The following NME3 variants were observed in gnomAD, a reference collection of about 807,000 sequenced individuals.
NME3 encodes nucleoside diphosphate kinase C.
A neutral mutation model predicts 15.8 loss-of-function variants in NME3; 23 were observed. That is an observed-to-expected ratio of 1.45 (90% confidence interval 1.05 to 2.06). NME3 has a LOEUF of 2.06. NME3 is among the 30% of genes most tolerant of loss of function. The probability of loss-of-function intolerance (pLI) is 0.00; values close to 1 mark genes in which losing one functional copy is unlikely to be tolerated. For synonymous variants in NME3, 157 were observed against 104.4 expected (o/e 1.50, Z -3.07); for missense variants, 354 against 243.2 (o/e 1.46, Z -3.03).
rs746940021 is a variant in NME3, at chr16:1,771,007, C to T, written c.280-14G>A. ...CCCCTGCCATACCTGTGCGGAGGAA[C>T]GGGCGCGGTATCACGCGGGGGTGGG... On this transcript the variant is annotated splice_polypyrimidine_tract_variant and intron_variant, in intron 3 of 4. Coordinates refer to ENST00000219302, the MANE Select transcript of NME3 (RefSeq NM_002513.3). 15 of 1,592,584 alleles carry T rather than the reference C, an allele frequency of 9.4e-6. No individual in the cohort carries two copies. The highest frequency in any genetic ancestry group is 3.4e-5 in the Admixed American group (2 of 58,878).
In NME3 at chr16:1,771,493, G is replaced by C. The variant is rs570087998; in HGVS notation, c.42C>G (p.Pro14=). Residue 14 remains proline (P), a synonymous_variant, in exon 1 of 5, where the codon CCC becomes CCG. Coordinates refer to ENST00000219302, the MANE Select transcript of NME3 (RefSeq NM_002513.3). ...GGCCCGCGCCGCGCGGCTCACCCGCGGGGAAGAGGTTAGCGAAGATGGTCA... is the reference window on the plus strand; with the variant it reads ...GGCCCGCGCCGCGCGGCTCACCCGCCGGGAAGAGGTTAGCGAAGATGGTCA... ...LVLTIFANLF[P]AACTGAHERT... is the part of the protein sequence containing the mutation. 14 of 1,315,638 alleles carry C rather than the reference G, an allele frequency of 1.1e-5. No homozygotes were observed. Among genetic ancestry groups the C allele is most frequent in the Non-Finnish European group, 1.3e-5 (13 of 1,033,376 alleles). 81.5% of individuals were successfully genotyped at this position (1,315,638 alleles called of 1,614,324 possible). A position where few individuals can be genotyped will look rare whatever the true frequency, so the allele number is the denominator to read the frequency against.
chr16:1,771,296 G>T lies in NME3; in HGVS notation c.161C>A (p.Ala54Glu). ...CGCCCCCACCTGCACCAGCTTCAGC[G>T]CCACCAACTTGAAGCCCTTCCTCTC... is the stretch of plus-strand genomic sequence containing the variant. ...RFERKGFKLV[A>E]LKLVQASEEL... Residue 54 changes from alanine (A) to glutamate (E), a missense_variant, in exon 2 of 5, where the codon GCG (alanine) becomes GAG (glutamate). Transcript: ENST00000219302. 2 of 1,605,140 alleles carry T rather than the reference G, an allele frequency of 1.2e-6. No individual in the cohort carries two copies. Among genetic ancestry groups the T allele is most frequent in the East Asian group, 2.2e-5 (1 of 44,580 alleles).
Position 1,770,334 on chromosome 16 carries a change from C to T in NME3, c.*315G>A, listed in dbSNP as rs930943094. The T allele has an allele frequency of 6.2e-6, 2 of 324,064 alleles. No homozygotes were observed. The highest frequency in any genetic ancestry group is 4.6e-5 in the Admixed American group (1 of 21,792). 20.1% of individuals were successfully genotyped at this position (324,064 alleles called of 1,614,324 possible). On this transcript the variant is annotated 3_prime_UTR_variant, in exon 5 of 5. Coordinates refer to ENST00000219302, the MANE Select transcript of NME3 (RefSeq NM_002513.3). ...AACGTCGTAGCTGCCTGTTCCTGGG[C>T]CCAAATCGAAACGAAAACGAGGACT...
intron 1 of NME3, 24 bp downstream of exon 1, chr16:1,771,465 C>T (rs958762929): frequency 1.9e-5 from 26 of 1,341,098 alleles, no homozygotes; most frequent in Middle Eastern, 2.8e-4. Context: ...GCCACCCGCC[C>T]CCGGCCCGCG....
chr16:1,770,905 C>T lies in NME3; in HGVS notation c.368G>A (p.Gly123Glu). The change falls in exon 4 of 5, where the codon GGG (glycine) becomes GAG (glutamate). Residue 123 changes from glycine to glutamate, a missense_variant. Gly to Glu is a moderately conservative substitution (Grantham distance 98). Coordinates refer to ENST00000219302, the MANE Select transcript of NME3 (RefSeq NM_002513.3). Reference sequence around the variant, plus strand: ...CTTGCCAACCTCGATGCAGAAATCCCCGCGGATGGTGCCGGGCGGGGCGTC... The same window carrying T: ...CTTGCCAACCTCGATGCAGAAATCCTCGCGGATGGTGCCGGGCGGGGCGTC... The part of the protein sequence containing the change: ...PADAPPGTIR[G>E]DFCIEVGKNL... 2 of 1,585,570 alleles carry T rather than the reference C, an allele frequency of 1.3e-6. No individual in the cohort carries two copies. The highest frequency in any genetic ancestry group is 2.3e-5 in the South Asian group (2 of 88,436).
Position 1,771,337 on chromosome 16 carries a change from C to G in NME3, c.120G>C (p.Glu40Asp), listed in dbSNP as rs2141975612. ...CCTTCCTCTCGAAGCGCCGCACAAT[C>G]TCGCCCACCAGCCGCCGCTGCACGC... ...PDGVQRRLVG[E>D]IVRRFERKGF... Residue 40 changes from glutamate to aspartate, a missense_variant, in exon 2 of 5, where the codon GAG becomes GAC. Physicochemically the swap from Glu to Asp is conservative, Grantham distance 45. Coordinates refer to ENST00000219302, the MANE Select transcript of NME3 (RefSeq NM_002513.3). 3 of 1,599,666 alleles carry G rather than the reference C, an allele frequency of 1.9e-6. No homozygotes were observed. Among genetic ancestry groups the G allele is most frequent in the East Asian group, 4.5e-5 (2 of 44,160 alleles).
Position 1,771,426 on chromosome 16 carries a change from G to C in NME3, c.47-16C>G. The stretch of plus-strand genomic sequence containing the variant: ...CCGGTGCAGGCTGCGGGGCAGGCGG[G>C]GACGGGCCGTCAGGCCGGCCCAGCA... On this transcript the variant is annotated splice_polypyrimidine_tract_variant and intron_variant, in intron 1 of 4. Transcript: ENST00000219302. 1.3e-6 allele frequency: 2 copies of C among 1,521,892 alleles called. No individual in the cohort carries two copies. The highest frequency in any genetic ancestry group is 1.8e-6 in the Non-Finnish European group (2 of 1,137,502). The allele number at this position is 1,521,892 out of a possible 1,614,324, so 94.3% of individuals were successfully genotyped here.
In NME3 at chr16:1,770,432, C is replaced by G. The variant is rs969810416; in HGVS notation, c.*217G>C. 1 of 448,600 alleles carries G rather than the reference C, an allele frequency of 2.2e-6. No homozygotes were observed. The highest frequency in any genetic ancestry group is 5.2e-5 in the South Asian group (1 of 19,216). 27.8% of individuals were successfully genotyped at this position (448,600 alleles called of 1,614,324 possible). A position where few individuals can be genotyped will look rare whatever the true frequency, so the allele number is the denominator to read the frequency against. ...TGTCCTGGCACGTTTCCAGGCGAGCCGCGCAGGCTCCTGGAGCAGCTCCTC... is the reference window on the plus strand; with the variant it reads ...TGTCCTGGCACGTTTCCAGGCGAGCGGCGCAGGCTCCTGGAGCAGCTCCTC... On this transcript the variant is annotated 3_prime_UTR_variant, in exon 5 of 5. Coordinates refer to ENST00000219302, the MANE Select transcript of NME3 (RefSeq NM_002513.3).
rs996370152 is a variant in NME3 at position 1,770,405 on chromosome 16, A to G, written c.*244T>C. 4.6e-6 allele frequency: 2 copies of G among 431,688 alleles called. No homozygotes were observed. Among genetic ancestry groups the G allele is most frequent in the African/African-American group, 4.1e-5 (2 of 49,102 alleles). The allele number at this position is 431,688 out of a possible 1,614,324, so 26.7% of individuals were successfully genotyped here. ...ACCACGTTGGGCTGGGCACCAGGAC[A>G]GTGTCCTGGCACGTTTCCAGGCGAG... On this transcript the variant is annotated 3_prime_UTR_variant, in exon 5 of 5. Transcript: ENST00000219302.
chr16:1,771,259 G>A (rs1304363943), intron 2 of NME3, 21 bp downstream of exon 2: 2 of 1,237,174 alleles, frequency 1.6e-6, no homozygotes, highest in Non-Finnish European at 2.3e-6. Flanking sequence ...CCGCGCCCCC[G>A]CTCGCTCACC....
At position 1,770,339 on chromosome 16, in the gene NME3, A is replaced by T; in HGVS notation, c.*310T>A. 3.0e-6 allele frequency: 1 copy of T among 329,824 alleles called. No homozygotes were observed. Among genetic ancestry groups the T allele is most frequent in the Non-Finnish European group, 5.5e-6 (1 of 180,678 alleles). The allele number at this position is 329,824 out of a possible 1,614,324, so 20.4% of individuals were successfully genotyped here. On this transcript the variant is annotated 3_prime_UTR_variant, in exon 5 of 5. Coordinates refer to ENST00000219302, the MANE Select transcript of NME3 (RefSeq NM_002513.3). ...CGTAGCTGCCTGTTCCTGGGCCCAAATCGAAACGAAAACGAGGACTTTATT... is the reference window on the plus strand; with the variant it reads ...CGTAGCTGCCTGTTCCTGGGCCCAATTCGAAACGAAAACGAGGACTTTATT...
In NME3 at chr16:1,770,356, G is replaced by A. The variant is rs1214960663; in HGVS notation, c.*293C>T. ...GGGCCCAAATCGAAACGAAAACGAG[G>A]ACTTTATTATAAAAAAACGTTGGAC... On this transcript the variant is annotated 3_prime_UTR_variant, in exon 5 of 5. Transcript: ENST00000219302. 3.3e-5 allele frequency: 12 copies of A among 368,848 alleles called. No individual in the cohort carries two copies. The highest frequency in any genetic ancestry group is 1.5e-4 in the African/African-American group (7 of 47,932). 22.8% of individuals were successfully genotyped at this position (368,848 alleles called of 1,614,324 possible).
Position 1,771,312 on chromosome 16 carries a change from C to T in NME3, c.145G>A (p.Gly49Ser). 1 of 1,606,428 alleles carries T rather than the reference C, an allele frequency of 6.2e-7. No individual in the cohort carries two copies. The highest frequency in any genetic ancestry group is 2.2e-5 in the East Asian group (1 of 44,638). ...AGCTTCAGCGCCACCAACTTGAAGC[C>T]CTTCCTCTCGAAGCGCCGCACAATC... The part of the protein sequence containing the change: ...GEIVRRFERK[G>S]FKLVALKLVQ... Residue 49 changes from glycine (G) to serine (S), a missense_variant, in exon 2 of 5, where the codon GGC becomes AGC. Transcript: ENST00000219302.
In NME3 at chr16:1,771,188, C is replaced by T. The variant is rs781241753; in HGVS notation, c.178-17G>A. 105 of 1,583,922 alleles carry T rather than the reference C, an allele frequency of 6.6e-5. No individual in the cohort carries two copies. Among genetic ancestry groups the T allele is most frequent in the Non-Finnish European group, 8.8e-5 (103 of 1,169,890 alleles). On this transcript the variant is annotated splice_polypyrimidine_tract_variant and intron_variant, in intron 2 of 4. Coordinates refer to ENST00000219302, the MANE Select transcript of NME3 (RefSeq NM_002513.3). ...CTCGGAGGCCTGCGGAAGGGTCAGG[C>T]CGCCTGCGCCCGCACCCGGCACCTA...
Position 1,771,166 on chromosome 16 carries a change from G to A in NME3, c.183C>T (p.Ser61=), listed in dbSNP as rs774180238. ...KLVALKLVQA[S]EELLREHYAE... ...CGTAGTGCTCACGCAGCAGCTCCTC[G>A]GAGGCCTGCGGAAGGGTCAGGCCGC... Residue 61 remains serine, a synonymous_variant, in exon 3 of 5, where the codon TCC becomes TCT. Coordinates refer to ENST00000219302, the MANE Select transcript of NME3 (RefSeq NM_002513.3). The A allele has an allele frequency of 1.9e-6, 3 of 1,600,252 alleles. No homozygotes were observed. The highest frequency in any genetic ancestry group is 1.1e-5 in the South Asian group (1 of 90,238).
Position 1,771,403 on chromosome 16 carries a change from G to C in NME3, c.54C>G (p.Thr18=). 6.5e-7 allele frequency: 1 copy of C among 1,542,726 alleles called. No homozygotes were observed. Among genetic ancestry groups the C allele is most frequent in the Non-Finnish European group, 8.7e-7 (1 of 1,145,436 alleles). ...IFANLFPAAC[T]GAHERTFLAV... ...CCAGGAAGGTGCGTTCGTGTGCGCC[G>C]GTGCAGGCTGCGGGGCAGGCGGGGA... The change falls in exon 2 of 5, where the codon ACC becomes ACG. Residue 18 remains threonine (T), a synonymous_variant. Coordinates refer to ENST00000219302, the MANE Select transcript of NME3 (RefSeq NM_002513.3).
Position 1,771,373 on chromosome 16 carries a change from C to A in NME3, c.84G>T (p.Val28=). 1 of 1,572,500 alleles carries A rather than the reference C, an allele frequency of 6.4e-7. No homozygotes were observed. The highest frequency in any genetic ancestry group is 1.8e-5 in the Admixed American group (1 of 55,068). The change falls in exon 2 of 5, where the codon GTG becomes GTT. Residue 28 remains valine, a synonymous_variant. Coordinates refer to ENST00000219302, the MANE Select transcript of NME3 (RefSeq NM_002513.3). ...TGAHERTFLA[V]KPDGVQRRLV... is the part of the protein sequence containing the mutation. ...GCCGCCGCTGCACGCCGTCCGGCTT[C>A]ACGGCCAGGAAGGTGCGTTCGTGTG...
In NME3 at chr16:1,770,432, C is replaced by T. The variant is rs969810416; in HGVS notation, c.*217G>A. Reference sequence around the variant, plus strand: ...TGTCCTGGCACGTTTCCAGGCGAGCCGCGCAGGCTCCTGGAGCAGCTCCTC... The same window carrying T: ...TGTCCTGGCACGTTTCCAGGCGAGCTGCGCAGGCTCCTGGAGCAGCTCCTC... On this transcript the variant is annotated 3_prime_UTR_variant, in exon 5 of 5. Transcript: ENST00000219302. 3.1e-5 allele frequency: 14 copies of T among 448,600 alleles called. No homozygotes were observed. The highest frequency in any genetic ancestry group is 1.0e-4 in the South Asian group (2 of 19,216). 27.8% of individuals were successfully genotyped at this position (448,600 alleles called of 1,614,324 possible).
chr16:1,771,226 T>TCCCCCCCCCCCCCCCC, intron 2 of NME3, 54 bp downstream of exon 2: 1 of 1,558,382 alleles, frequency 6.4e-7, no homozygotes, highest in South Asian at 1.2e-5. Context: ...CGTCCCCAGG[T>TCCCCCCCCCCCCCCCC]CCCCGCTCCC....
Sources: gnomAD v4.1 joint callset for allele counts on GRCh38, gnomAD v4.1.1 for gene constraint, MANE v1.5 for transcripts, NCBI Gene and HGNC (gene_info 2026-07-23, HGNC 2026-07-21) for gene names.